Variants in TLK1 observed in about 807,000 individuals in gnomAD.
The protein encoded by TLK1 is serine/threonine-protein kinase tousled-like 1.
Under a neutral mutation model 105.3 loss-of-function variants are expected in TLK1, and 24 were observed. The observed-to-expected ratio is 0.23, with a 90% CI of 0.17 to 0.32. TLK1 has a LOEUF of 0.32. Ranked by LOEUF, TLK1 falls within the 10% of genes least tolerant of loss-of-function variation. The pLI, the probability that TLK1 is intolerant of heterozygous loss-of-function variation, is 1.00. For missense variants in TLK1, 558 were observed against 910.5 expected (o/e 0.61, Z 4.98); for synonymous variants, 321 against 310.4 (o/e 1.03, Z -0.36).
At chr2:171,186,406 T>C (rs1403616747) in intron 1 of TLK1, among the ~76,000 whole-genome samples, 1 of 152,154 alleles carries the variant, frequency 6.6e-6, no homozygotes, top group Non-Finnish European at 1.5e-5. Context: ...TGGAGGGATG[T>C]TTGGGGAAAT....
chr2:171,175,684 T>G (rs553858819), intron 1 of TLK1, among the ~76,000 whole-genome samples: 2 of 151,880 alleles, frequency 1.3e-5, no homozygotes, highest in Admixed American at 1.3e-4. Context: ...TTTATCTAAC[T>G]AGCCCTCCTA....
Position 170,993,513 on chromosome 2 carries a change from G to C in TLK1, c.*267C>G. On this transcript the variant is annotated 3_prime_UTR_variant, in exon 21 of 21. Transcript: ENST00000431350. ...AATTTTTTTCCTCTATCTTAACATG[G>C]TATTCCTGTTTCTGTGTAACAGGCA... is the stretch of plus-strand genomic sequence containing the variant. 6.3e-6 allele frequency: 2 copies of C among 315,144 alleles called. No individual in the cohort carries two copies. Among genetic ancestry groups the C allele is most frequent in the East Asian group, 1.1e-4 (2 of 18,478 alleles). The allele number at this position is 315,144 out of a possible 1,614,324, so 19.5% of individuals were successfully genotyped here.
intron 1 of TLK1, among the ~76,000 whole-genome samples, chr2:171,203,775 T>G (rs1693446507): frequency 6.6e-6 from 1 of 152,184 alleles, no homozygotes; most frequent in Non-Finnish European, 1.5e-5. Flanking sequence ...ATGGGCCGTG[T>G]GCAGTGGCTC....
At position 171,107,888 on chromosome 2, in the gene TLK1, T is replaced by C. The variant is rs529389252; in HGVS notation, c.258+9851A>G. 2.0e-5 allele frequency among the ~76,000 whole-genome samples: 3 copies of C among 151,608 alleles called. No homozygotes were observed. The East Asian group carries it at 5.8e-4, about 29-fold the overall frequency. On this transcript the variant is annotated intron_variant, in intron 2 of 20. Coordinates refer to ENST00000431350, the MANE Select transcript of TLK1 (RefSeq NM_012290.5). ...AGCCTGGGCAACATGGTGAGACTCA[T>C]CTCTAAAAAAAATACAAAAAACTTA...
chr2:171,169,050 C>T (rs909144058), intron 1 of TLK1, among the ~76,000 whole-genome samples: 1 of 151,824 alleles, frequency 6.6e-6, no homozygotes, highest in South Asian at 2.1e-4. Flanking sequence ...TGCACTCCAG[C>T]CTGGGCAACA....
Position 170,993,737 on chromosome 2 carries a change from C to G in TLK1, c.*43G>C, listed in dbSNP as rs1325404455. 1 of 1,396,556 alleles carries G rather than the reference C, an allele frequency of 7.2e-7. No homozygotes were observed. The highest frequency in any genetic ancestry group is 1.5e-5 in the African/African-American group (1 of 67,656). The allele number at this position is 1,396,556 out of a possible 1,614,324, so 86.5% of individuals were successfully genotyped here. On this transcript the variant is annotated 3_prime_UTR_variant, in exon 21 of 21. Transcript: ENST00000431350. ...AATGCTCTCAAACTTAAGTGTGCATCTGGAAGCAAATTCAAAGATATCATG... is the reference window on the plus strand; with the variant it reads ...AATGCTCTCAAACTTAAGTGTGCATGTGGAAGCAAATTCAAAGATATCATG...
intron 1 of TLK1, among the ~76,000 whole-genome samples, chr2:171,207,763 C>T (rs1386152872): frequency 6.6e-6 from 1 of 152,196 alleles, no homozygotes; most frequent in Non-Finnish European, 1.5e-5. Flanking sequence ...TTTTGTCACC[C>T]AGGCTGGAGT....
rs538348196 is a variant in TLK1 at position 171,194,685 on chromosome 2, C to T, written c.-6+36460G>A. 2.0e-3 allele frequency among the ~76,000 whole-genome samples: 293 copies of T among 149,602 alleles called. 1 individual carries two copies. Among genetic ancestry groups the T allele is most frequent in the African/African-American group, 7.0e-3 (276 of 39,516 alleles). On this transcript the variant is annotated intron_variant, in intron 1 of 20. Transcript: ENST00000521943. ...ACAAAAAATTAGCCGGGCGTGGTAGCGGGCGCCTGTAGTCCCAGCTACTCC... is the reference window on the plus strand; with the variant it reads ...ACAAAAAATTAGCCGGGCGTGGTAGTGGGCGCCTGTAGTCCCAGCTACTCC...
chr2:171,134,951 G>C (rs1043119631), intron 1 of TLK1, among the ~76,000 whole-genome samples: 3 of 151,970 alleles, frequency 2.0e-5, no homozygotes, highest in Admixed American at 6.6e-5. Context: ...CAACATGGAT[G>C]AACTTAGAGG....
chr2:171,191,772 C>T (rs906022709), intron 1 of TLK1, among the ~76,000 whole-genome samples: 20 of 152,186 alleles, frequency 1.3e-4, no homozygotes, highest in African/African-American at 4.1e-4. Flanking sequence ...TCTACCGAGG[C>T]ATAAGAAAGG....
intron 1 of TLK1, among the ~76,000 whole-genome samples, chr2:171,148,094 G>A (rs1483985946): frequency 1.3e-5 from 2 of 152,122 alleles, no homozygotes; most frequent in Non-Finnish European, 2.9e-5. Flanking sequence ...GTTTCACCGT[G>A]TTAGCCTGGA....
Position 171,046,376 on chromosome 2 carries a change from A to T in TLK1, c.981-14T>A, listed in dbSNP as rs1477766411. On this transcript the variant is annotated splice_polypyrimidine_tract_variant and intron_variant, in intron 10 of 20. Transcript: ENST00000431350. ...CATTCTTGTTGCCTGTGTAAAAATA[A>T]ACAAATAAAACCATATTAACCTTCC... 1.9e-6 allele frequency: 3 copies of T among 1,579,416 alleles called. No homozygotes were observed. The highest frequency in any genetic ancestry group is 2.6e-6 in the Non-Finnish European group (3 of 1,166,562).
At chr2:171,049,681 C>G in intron 10 of TLK1, 133 bp downstream of exon 10, 3 of 1,106,330 alleles carry the variant, frequency 2.7e-6, no homozygotes, top group Non-Finnish European at 3.8e-6. Flanking sequence ...TTTCATATCC[C>G]TTTCAAAGGT....
intron 3 of TLK1, among the ~76,000 whole-genome samples, chr2:171,077,444 T>G (rs1457664382): frequency 1.3e-5 from 2 of 152,248 alleles, no homozygotes; most frequent in East Asian, 3.8e-4. Context: ...ACTGTCTCCC[T>G]TCCTTCATAG....
chr2:170,997,962 C>T, intron 18 of TLK1, 139 bp from the exon 19 acceptor site: 1 of 499,508 alleles, frequency 2.0e-6, no homozygotes, highest in East Asian at 3.0e-5. Context: ...ATCAACTGAA[C>T]TTCTGGAGCA....
At chr2:171,040,904 A>G (rs1483984992) in intron 11 of TLK1, among the ~76,000 whole-genome samples, 8 of 152,170 alleles carry the variant, frequency 5.3e-5, no homozygotes, top group Non-Finnish European at 1.2e-4. Context: ...TTAAAATTAA[A>G]GCTATAATGG....
intron 3 of TLK1, among the ~76,000 whole-genome samples, chr2:171,082,086 A>T (rs1688781224): frequency 6.6e-6 from 1 of 152,034 alleles, no homozygotes; most frequent in Non-Finnish European, 1.5e-5. Flanking sequence ...ATCCAAGGAG[A>T]GAAAAGGCTA....
intron 1 of TLK1, among the ~76,000 whole-genome samples, chr2:171,191,106 G>A (rs1405400131): frequency 6.6e-6 from 1 of 151,766 alleles, no homozygotes; most frequent in Non-Finnish European, 1.5e-5. Flanking sequence ...GTTGCAATGA[G>A]TCGAGATCAC....
At chr2:171,203,439 C>T (rs1693440384) in intron 1 of TLK1, among the ~76,000 whole-genome samples, 1 of 152,184 alleles carries the variant, frequency 6.6e-6, no homozygotes, top group African/African-American at 2.4e-5. Context: ...AGTGGAATAA[C>T]ATTGTATTTG....
Sources: gnomAD v4.1 joint callset for allele counts (sites outside exome capture counted in the v4.1 genomes callset) on GRCh38, gnomAD v4.1.1 for gene constraint, MANE v1.5 for transcripts, NCBI Gene and HGNC (gene_info 2026-07-23, HGNC 2026-07-21) for gene names.